Variants in STX6 observed in about 807,000 individuals in gnomAD.
The protein encoded by STX6 is syntaxin-6.
STX6 carries 23 observed loss-of-function variants against 38.0 expected under a neutral mutation model. The ratio of observed to expected loss-of-function variants is 0.60; its 90% CI spans 0.43 to 0.86. The LOEUF (loss-of-function observed/expected upper bound fraction) is 0.86. STX6 is among the 40% of genes least tolerant of loss of function. The pLI is 0.00. For missense variants in STX6, 274 were observed against 312.9 expected (o/e 0.88, Z 0.94); for synonymous variants, 123 against 107.5 (o/e 1.14, Z -0.89).
chr1:180,980,311 T>C (rs1490030770), intron 7 of STX6, among the ~76,000 whole-genome samples: 2 of 132,582 alleles, frequency 1.5e-5, no homozygotes, highest in Non-Finnish European at 3.2e-5. Flanking sequence ...CAAGAAACAA[T>C]ACACACCTAT....
Position 181,022,504 on chromosome 1 carries a change from G to A in STX6, c.35+135C>T, listed in dbSNP as rs1418598142. 7 of 882,204 alleles carry A rather than the reference G, an allele frequency of 7.9e-6. No individual in the cohort carries two copies. In the Middle Eastern group the frequency reaches 8.7e-4, roughly 110 times the overall value. The allele number at this position is 882,204 out of a possible 1,614,324, so 54.6% of individuals were successfully genotyped here. A position where few individuals can be genotyped will look rare whatever the true frequency, so the allele number is the denominator to read the frequency against. On this transcript the variant is annotated intron_variant, in intron 1 of 7. Transcript: ENST00000258301. ...CTTGACGCTTGGTCATGGCCCTCAA[G>A]ACTAAGCCGTCTCCACTGTTCCCCC...
chr1:181,008,852 T>C (rs1480407349), intron 1 of STX6, among the ~76,000 whole-genome samples: 1 of 151,426 alleles, frequency 6.6e-6, no homozygotes, highest in East Asian at 1.9e-4. Flanking sequence ...TCTCGAGAAT[T>C]TTTTAGATAA....
chr1:181,008,329 C>T (rs1380677455), intron 1 of STX6, among the ~76,000 whole-genome samples: 1 of 152,112 alleles, frequency 6.6e-6, no homozygotes, highest in African/African-American at 2.4e-5. Flanking sequence ...ATGCTTGGGA[C>T]CAGAAATGTT....
chr1:180,988,838 T>C (rs749003974), intron 5 of STX6: 3 of 152,560 alleles, frequency 2.0e-5, no homozygotes, highest in Non-Finnish European at 4.4e-5. Flanking sequence ...CCTGTGGCAA[T>C]AAGTTACCTC....
chr1:181,002,786 A>T, intron 2 of STX6, 86 bp from the exon 3 acceptor site: 1 of 904,012 alleles, frequency 1.1e-6, no homozygotes, highest in Non-Finnish European at 1.8e-6. Context: ...ACATGCAAAC[A>T]AATAAAATCT....
chr1:181,005,588 C>T, intron 1 of STX6, 125 bp from the exon 2 acceptor site: 1 of 838,290 alleles, frequency 1.2e-6, no homozygotes, highest in Non-Finnish European at 1.8e-6. Context: ...CCACAGAAGG[C>T]TCTTCACAGA....
intron 3 of STX6, among the ~76,000 whole-genome samples, chr1:180,993,910 GC>G (rs1341642919): frequency 6.6e-6 from 1 of 152,152 alleles, no homozygotes; most frequent in Non-Finnish European, 1.5e-5. Flanking sequence ...AAAACCATGT[GC>G]TTTTAGTATA....
Position 181,002,718 on chromosome 1 carries a change from G to C in STX6, c.206-18C>G. On this transcript the variant is annotated intron_variant, in intron 2 of 7. Coordinates refer to ENST00000258301, the MANE Select transcript of STX6 (RefSeq NM_005819.6). ...AACTATGCGTAGGTCAAAAAGTCAAGGTAAAACAATTTCATCATCAAAGCC... is the reference window on the plus strand; with the variant it reads ...AACTATGCGTAGGTCAAAAAGTCAACGTAAAACAATTTCATCATCAAAGCC... 6.5e-7 allele frequency: 1 copy of C among 1,550,274 alleles called. No homozygotes were observed. Among genetic ancestry groups the C allele is most frequent in the Non-Finnish European group, 8.9e-7 (1 of 1,124,142 alleles).
chr1:181,015,249 A>G (rs1452913837), intron 1 of STX6, among the ~76,000 whole-genome samples: 2 of 152,224 alleles, frequency 1.3e-5, no homozygotes, highest in African/African-American at 2.4e-5. Context: ...CTTAATTCCT[A>G]TATTTTTAGC....
At chr1:181,020,920 C>T (rs1030913064) in intron 1 of STX6, among the ~76,000 whole-genome samples, 1 of 152,166 alleles carries the variant, frequency 6.6e-6, no homozygotes, top group Non-Finnish European at 1.5e-5. Flanking sequence ...CCCCAAAAAT[C>T]TGGATACACC....
rs1463780398 is a variant in STX6 at position 181,019,009 on chromosome 1, C to CT, written c.35+3629dup. ...ACCCTAGGCAAGTAAGTTAACCCCTCTAACACTTCCTCAGCTTCTCATCTC... is the reference window on the plus strand; with the variant it reads ...ACCCTAGGCAAGTAAGTTAACCCCTCTTAACACTTCCTCAGCTTCTCATCTC... On this transcript the variant is annotated intron_variant, in intron 1 of 7. Coordinates refer to ENST00000258301, the MANE Select transcript of STX6 (RefSeq NM_005819.6). Among the ~76,000 whole-genome samples, 4 of 152,342 alleles carry CT rather than the reference C, an allele frequency of 2.6e-5. No homozygotes were observed. In the East Asian group the frequency reaches 7.7e-4, roughly 29 times the overall value.
Position 181,005,397 on chromosome 1 carries a change from G to T in STX6, c.102C>A (p.Asp34Glu). Residue 34 changes from aspartate (D) to glutamate (E), a missense_variant, in exon 2 of 8, where the codon GAC becomes GAA. Coordinates refer to ENST00000258301, the MANE Select transcript of STX6 (RefSeq NM_005819.6). ...TTTCTTCCCTTGTTGCTGTGGAGGG[G>T]TCCTGGAGGAGCTCTGTCCATCTCT... is the stretch of plus-strand genomic sequence containing the variant. The part of the protein sequence containing the change: ...LFQRWTELLQ[D>E]PSTATREEID... The T allele has an allele frequency of 6.2e-7, 1 of 1,614,090 alleles. No individual in the cohort carries two copies. Among genetic ancestry groups the T allele is most frequent in the Non-Finnish European group, 8.5e-7 (1 of 1,179,980 alleles).
rs1655709544 is a variant in STX6 at position 180,990,056 on chromosome 1, T to A, written c.417A>T (p.Lys139Asn). The A allele has an allele frequency of 1.2e-6, 2 of 1,614,028 alleles. No individual in the cohort carries two copies. Among genetic ancestry groups the A allele is most frequent in the African/African-American group, 2.7e-5 (2 of 74,912 alleles). Reference protein sequence around the residue: ...SQNWSTGTTDKYGRLDRELQR... With the variant: ...SQNWSTGTTDNYGRLDRELQR... The stretch of plus-strand genomic sequence containing the variant: ...GGAGCTCTCGGTCCAGACGCCCATA[T>A]TTATCTGTTGTTCCAGTGCTCCAGT... The change falls in exon 5 of 8, where the codon AAA (lysine) becomes AAT (asparagine). Residue 139 changes from lysine to asparagine, a missense_variant. Physicochemically the swap from Lys to Asn is moderately conservative, Grantham distance 94. Transcript: ENST00000258301.
chr1:181,016,679 C>A (rs762196763), intron 1 of STX6, among the ~76,000 whole-genome samples: 1 of 152,130 alleles, frequency 6.6e-6, no homozygotes, highest in Non-Finnish European at 1.5e-5. Flanking sequence ...GTTAATAAAG[C>A]TAGATATGCA....
intron 7 of STX6, among the ~76,000 whole-genome samples, chr1:180,980,993 T>C (rs1655398781): frequency 1.3e-5 from 2 of 152,088 alleles, no homozygotes; most frequent in African/African-American, 4.8e-5. Context: ...ATGGAGACAG[T>C]CAAAGGATCA....
At chr1:181,010,503 T>C (rs1408307880) in intron 1 of STX6, among the ~76,000 whole-genome samples, 1 of 152,148 alleles carries the variant, frequency 6.6e-6, no homozygotes, top group Non-Finnish European at 1.5e-5. Context: ...AGTTTCACTA[T>C]GTTGGCCAGG....
chr1:180,988,658 A>T (rs541679868), intron 5 of STX6: 1 of 254,618 alleles, frequency 3.9e-6, no homozygotes, highest in Non-Finnish European at 7.8e-6. Context: ...ACACGTGCAG[A>T]TGACCATTGA....
At chr1:181,011,298 T>G (rs1428672341) in intron 1 of STX6, among the ~76,000 whole-genome samples, 2 of 152,190 alleles carry the variant, frequency 1.3e-5, no homozygotes, top group East Asian at 3.8e-4. Flanking sequence ...GAATCTGCAG[T>G]GTATCAGGGA....
intron 1 of STX6, 80 bp downstream of exon 1, chr1:181,022,559 C>A (rs1020588758): frequency 1.2e-5 from 18 of 1,456,108 alleles, no homozygotes; most frequent in Admixed American, 1.2e-4. Context: ...TCCCCTCCCC[C>A]CACTGCGAGA....
Sources: allele counts gnomAD v4.1 joint callset (sites outside exome capture counted in the v4.1 genomes callset), GRCh38; gene constraint gnomAD v4.1.1; transcripts MANE v1.5; gene names NCBI Gene and HGNC (gene_info 2026-07-23, HGNC 2026-07-21).